Variants in ADCK1 observed in about 807,000 individuals in gnomAD.
The protein encoded by ADCK1 is aarF domain containing kinase 1.
A neutral mutation model predicts 52.3 loss-of-function variants in ADCK1; 41 were observed. That is an observed-to-expected ratio of 0.78 (90% CI 0.61 to 1.02). ADCK1 has a LOEUF of 1.02. ADCK1 is among the 50% of genes least tolerant of loss of function. ADCK1 has a pLI of 0.00. For synonymous variants in ADCK1, 250 were observed against 274.6 expected (o/e 0.91, Z 0.89); for missense variants, 658 against 679.5 (o/e 0.97, Z 0.35).
At chr14:77,807,062 A>G (rs1327474190) in intron 1 of ADCK1, among the ~76,000 whole-genome samples, 5 of 82,264 alleles carry the variant, frequency 6.1e-5, no homozygotes, top group African/African-American at 2.6e-4. Context: ...TTTTGGAGAC[A>G]GAGTCTTTTT....
In ADCK1 at chr14:77,913,749, A is replaced by C. The variant is rs144853813; in HGVS notation, c.858+5830A>C. On this transcript the variant is annotated intron_variant, in intron 7 of 10. Coordinates refer to ENST00000238561, the MANE Select transcript of ADCK1 (RefSeq NM_020421.4). ...AGTGTAGGGGCAGCAGGGACAGATG[A>C]CTGGAGGTCTGGTGGGCAGACACTG... Among the ~76,000 whole-genome samples the C allele has an allele frequency of 3.7e-3, 567 of 152,084 alleles. 5 individuals are homozygous for C. Among genetic ancestry groups the C allele is most frequent in the African/African-American group, 6.0e-3 (247 of 41,492 alleles).
chr14:77,807,433 C>G (rs552509898), intron 1 of ADCK1, among the ~76,000 whole-genome samples: 1 of 151,832 alleles, frequency 6.6e-6, no homozygotes, highest in African/African-American at 2.4e-5. Context: ...CCTCCACCTC[C>G]CAGGTTCAAG....
intron 3 of ADCK1, among the ~76,000 whole-genome samples, chr14:77,831,565 C>G (rs2081850123): frequency 2.6e-5 from 4 of 152,190 alleles, no homozygotes; most frequent in Admixed American, 2.6e-4. Context: ...AGGCAAGAGT[C>G]AGACACTGTC....
chr14:77,895,414 CTCAT>C (rs2083387802), intron 5 of ADCK1, among the ~76,000 whole-genome samples: 1 of 152,180 alleles, frequency 6.6e-6, no homozygotes, highest in Non-Finnish European at 1.5e-5. Flanking sequence ...CATTCATTTA[CTCAT>C]TCATTCATTC....
chr14:77,825,921 C>T lies in ADCK1; in HGVS notation c.219+3403C>T, dbSNP rs966474195. On this transcript the variant is annotated intron_variant, in intron 3 of 10. Transcript: ENST00000238561. ...TGGCATCCACTGGTGTAACATTCTA[C>T]GGAGAGCTTGCAGGCTCGGACACAG... 4.6e-5 allele frequency among the ~76,000 whole-genome samples: 7 copies of T among 152,266 alleles called. 1 individual carries two copies. In the South Asian group the frequency reaches 1.2e-3, roughly 27 times the overall value.
At chr14:77,879,472 G>A (rs1206578627) in intron 4 of ADCK1, among the ~76,000 whole-genome samples, 1 of 152,182 alleles carries the variant, frequency 6.6e-6, no homozygotes. Flanking sequence ...AGAGGGGACA[G>A]TGTGTGCAAA....
At chr14:77,927,968 C>T (rs1226904114) in intron 9 of ADCK1, among the ~76,000 whole-genome samples, 1 of 152,196 alleles carries the variant, frequency 6.6e-6, no homozygotes, top group East Asian at 1.9e-4. Flanking sequence ...TTAAGTATCT[C>T]TCTCGAGTGG....
chr14:77,897,468 A>G (rs553661673), intron 5 of ADCK1, among the ~76,000 whole-genome samples: 38 of 152,282 alleles, frequency 2.5e-4, no homozygotes, highest in African/African-American at 8.4e-4. Flanking sequence ...GGGCTGTGGT[A>G]TGCTGTGCAC....
At chr14:77,853,991 T>C (rs1262292258) in intron 3 of ADCK1, among the ~76,000 whole-genome samples, 1 of 152,206 alleles carries the variant, frequency 6.6e-6, no homozygotes, top group East Asian at 1.9e-4. Context: ...TCACCTTGTT[T>C]CTTTCTCATC....
chr14:77,865,818 G>A (rs28613643), intron 4 of ADCK1, among the ~76,000 whole-genome samples: 30,063 of 152,184 alleles, frequency 0.2, 3,087 homozygotes, highest in Middle Eastern at 0.31. Context: ...GGCTTGTTGT[G>A]GGGATGGATT....
chr14:77,803,283 G>A (rs991435500), intron 1 of ADCK1, among the ~76,000 whole-genome samples: 2 of 152,046 alleles, frequency 1.3e-5, no homozygotes, highest in Non-Finnish European at 2.9e-5. Flanking sequence ...ACTTTTCATG[G>A]AACTAGAGAC....
chr14:77,906,454 T>G (rs1413087659), intron 6 of ADCK1, among the ~76,000 whole-genome samples: 1 of 152,198 alleles, frequency 6.6e-6, no homozygotes, highest in Non-Finnish European at 1.5e-5. Flanking sequence ...TGGAGAAATC[T>G]GTTCTCTTTT....
At chr14:77,823,099 T>C (rs2081616221) in intron 3 of ADCK1, among the ~76,000 whole-genome samples, 1 of 152,092 alleles carries the variant, frequency 6.6e-6, no homozygotes, top group Non-Finnish European at 1.5e-5. Flanking sequence ...AACCCCAAAC[T>C]CTCTGTCGTC....
intron 1 of ADCK1, among the ~76,000 whole-genome samples, chr14:77,804,396 C>T (rs2081174321): frequency 6.6e-6 from 1 of 152,162 alleles, no homozygotes. Context: ...CCATTCGGCT[C>T]CTGTATCATC....
chr14:77,911,007 T>C (rs1031266863), intron 7 of ADCK1, among the ~76,000 whole-genome samples: 1 of 152,238 alleles, frequency 6.6e-6, no homozygotes, highest in African/African-American at 2.4e-5. Context: ...GGTTGTTTTC[T>C]TGTGGACATG....
intron 3 of ADCK1, among the ~76,000 whole-genome samples, chr14:77,837,900 G>T (rs1349534784): frequency 1.3e-5 from 2 of 152,226 alleles, no homozygotes; most frequent in Non-Finnish European, 2.9e-5. Context: ...TACTGGCTTG[G>T]ATGAGATGTG....
At position 77,924,476 on chromosome 14, in the gene ADCK1, A is replaced by G. The variant is rs2084137571; in HGVS notation, c.878A>G (p.Lys293Arg). The change falls in exon 8 of 11, where the codon AAG (lysine) becomes AGG (arginine). Residue 293 changes from lysine to arginine, a missense_variant. Transcript: ENST00000238561. ...TTTCAGATCTCACGCCACCTGGGCA[A>G]GATGTATAGTGAGATGATCTTCGTC... Reference protein sequence around the residue: ...DVNEISRHLGKMYSEMIFVNG... With the variant: ...DVNEISRHLGRMYSEMIFVNG... 7 of 1,613,962 alleles carry G rather than the reference A, an allele frequency of 4.3e-6. No homozygotes were observed. Among genetic ancestry groups the G allele is most frequent in the Non-Finnish European group, 5.9e-6 (7 of 1,180,024 alleles).
intron 7 of ADCK1, among the ~76,000 whole-genome samples, chr14:77,909,197 G>A (rs1046884520): frequency 2.0e-5 from 3 of 147,236 alleles, no homozygotes; most frequent in Admixed American, 6.9e-5. Flanking sequence ...GTGCAATGGC[G>A]CAATCTTGGC....
At chr14:77,862,618 C>T (rs760262386) in intron 4 of ADCK1, among the ~76,000 whole-genome samples, 4 of 152,206 alleles carry the variant, frequency 2.6e-5, no homozygotes, top group East Asian at 1.9e-4. Context: ...TGTTGGAGGA[C>T]GTGGTATTGG....
Sources: gnomAD v4.1 joint callset for allele counts (sites outside exome capture counted in the v4.1 genomes callset) on GRCh38, gnomAD v4.1.1 for gene constraint, MANE v1.5 for transcripts, NCBI Gene and HGNC (gene_info 2026-07-23, HGNC 2026-07-21) for gene names.